KCNQ3: variants seen among roughly 807,000 people sequenced by gnomAD.
KCNQ3 encodes the protein potassium voltage-gated channel subfamily Q member 3, also known as potassium voltage-gated channel subfamily KQT member 3.
KCNQ3 carries 30 observed loss-of-function variants against 92.5 expected under a neutral mutation model. The observed-to-expected ratio is 0.32, with a 90% CI of 0.24 to 0.44. The LOEUF is 0.44. KCNQ3 is among the 20% of genes least tolerant of loss of function. The pLI is 1.00. For synonymous variants in KCNQ3, 450 were observed against 468.8 expected, an observed-to-expected ratio of 0.96 and a Z score of 0.52; for missense variants, 913 against 1,140.3, an observed-to-expected ratio of 0.80 and a Z score of 2.87.
chr8:132,289,635 T>C (rs1422369175), intron 1 of KCNQ3, among the ~76,000 whole-genome samples: 3 of 152,190 alleles, frequency 2.0e-5, no homozygotes, highest in Non-Finnish European at 4.4e-5. Flanking sequence ...CATCTCAAGA[T>C]CCTTAACTAG....
rs1824532587 is a variant in KCNQ3, at chr8:132,122,933, T to C, written c.*6329A>G. On this transcript the variant is annotated 3_prime_UTR_variant, in exon 15 of 15. Coordinates refer to ENST00000388996, the MANE Select transcript of KCNQ3 (RefSeq NM_004519.4). Reference sequence around the variant, plus strand: ...AAGTTGAGTCCTGTCTGCTTCTTTGTAGCTTTTGGTGAAGGCCCTAGAGTA... The same window carrying C: ...AAGTTGAGTCCTGTCTGCTTCTTTGCAGCTTTTGGTGAAGGCCCTAGAGTA... The C allele has an allele frequency of 6.6e-6, 1 of 152,226 alleles. No homozygotes were observed. The allele number at this position is 152,226 out of a possible 1,614,324, so 9.4% of individuals were successfully genotyped here.
At chr8:132,371,281 C>G (rs1374325960) in intron 1 of KCNQ3, among the ~76,000 whole-genome samples, 3 of 152,170 alleles carry the variant, frequency 2.0e-5, no homozygotes, top group African/African-American at 7.2e-5. Context: ...TCACAGGGCT[C>G]TGGTAGTTTG....
intron 1 of KCNQ3, among the ~76,000 whole-genome samples, chr8:132,352,505 T>G (rs1395198620): frequency 3.3e-5 from 5 of 152,086 alleles, no homozygotes; most frequent in African/African-American, 1.2e-4. Context: ...CTTAGGAAAC[T>G]CACTGCCCCG....
intron 1 of KCNQ3, among the ~76,000 whole-genome samples, chr8:132,450,822 C>T (rs549036155): frequency 2.6e-5 from 4 of 152,340 alleles, no homozygotes; most frequent in South Asian, 2.1e-4. Flanking sequence ...GTCCTCCCTT[C>T]TCTGCCCTTC....
At chr8:132,475,802 A>C (rs567264284) in intron 1 of KCNQ3, among the ~76,000 whole-genome samples, 2 of 152,390 alleles carry the variant, frequency 1.3e-5, no homozygotes, top group African/African-American at 4.8e-5. Context: ...CAGCTGCAGA[A>C]ATATGCATAA....
chr8:132,281,197 G>T (rs1489071913), intron 1 of KCNQ3, among the ~76,000 whole-genome samples: 4 of 152,144 alleles, frequency 2.6e-5, no homozygotes, highest in East Asian at 3.9e-4. Context: ...TGAGCACCTT[G>T]TTTGGCACTA....
intron 1 of KCNQ3, among the ~76,000 whole-genome samples, chr8:132,328,194 G>T (rs1324447682): frequency 6.6e-6 from 1 of 151,978 alleles, no homozygotes; most frequent in Non-Finnish European, 1.5e-5. Context: ...CATAAGGCAC[G>T]GGCTTCCCAT....
intron 1 of KCNQ3, among the ~76,000 whole-genome samples, chr8:132,448,480 A>G (rs1293512625): frequency 7.0e-6 from 1 of 143,490 alleles, no homozygotes; most frequent in Non-Finnish European, 1.5e-5. Flanking sequence ...GCTGAGCTCT[A>G]AGGGGGAAGA....
intron 9 of KCNQ3, among the ~76,000 whole-genome samples, chr8:132,141,794 T>C (rs1825305199): frequency 6.6e-6 from 1 of 152,196 alleles, no homozygotes; most frequent in Non-Finnish European, 1.5e-5. Context: ...AAAGCAGCAC[T>C]CTTAATTTGG....
intron 1 of KCNQ3, among the ~76,000 whole-genome samples, chr8:132,349,353 C>G (rs1818789889): frequency 6.6e-6 from 1 of 152,176 alleles, no homozygotes; most frequent in African/African-American, 2.4e-5. Flanking sequence ...GAACAACCCA[C>G]AAAATCAGAA....
chr8:132,302,772 G>C (rs772544346), intron 1 of KCNQ3, among the ~76,000 whole-genome samples: 1 of 152,094 alleles, frequency 6.6e-6, no homozygotes, highest in African/African-American at 2.4e-5. Context: ...AGTCATAATG[G>C]CTCTACCTAA....
At chr8:132,423,292 T>C (rs1290636066) in intron 1 of KCNQ3, among the ~76,000 whole-genome samples, 1 of 152,192 alleles carries the variant, frequency 6.6e-6, no homozygotes, top group Non-Finnish European at 1.5e-5. Context: ...CAAACAGGCA[T>C]TGGTGTTCCA....
intron 1 of KCNQ3, among the ~76,000 whole-genome samples, chr8:132,398,484 G>A (rs983245111): frequency 6.6e-6 from 1 of 152,020 alleles, no homozygotes; most frequent in Non-Finnish European, 1.5e-5. Flanking sequence ...AATTCTCTAT[G>A]TACTTTGTTC....
intron 1 of KCNQ3, among the ~76,000 whole-genome samples, chr8:132,347,780 A>G (rs1167137964): frequency 6.6e-6 from 1 of 152,046 alleles, no homozygotes; most frequent in Non-Finnish European, 1.5e-5. Flanking sequence ...AATCGAGACC[A>G]TCCTGGCTAA....
intron 1 of KCNQ3, among the ~76,000 whole-genome samples, chr8:132,218,358 A>G (rs958966059): frequency 8.5e-5 from 13 of 152,250 alleles, no homozygotes; most frequent in African/African-American, 2.7e-4. Context: ...CCAGAATGGC[A>G]TCTGGCACAT....
At chr8:132,213,083 T>C (rs1179403003) in intron 1 of KCNQ3, among the ~76,000 whole-genome samples, 19 of 152,232 alleles carry the variant, frequency 1.2e-4, no homozygotes, top group Admixed American at 1.2e-3. Context: ...AATATTATTT[T>C]GAAACCATGG....
chr8:132,452,795 A>G (rs1821851792), intron 1 of KCNQ3, among the ~76,000 whole-genome samples: 1 of 152,118 alleles, frequency 6.6e-6, no homozygotes, highest in African/African-American at 2.4e-5. Flanking sequence ...CATCCCAGTG[A>G]GTCTGTCTGG....
intron 1 of KCNQ3, among the ~76,000 whole-genome samples, chr8:132,200,843 C>T (rs1827437249): frequency 6.6e-6 from 1 of 152,162 alleles, no homozygotes; most frequent in Non-Finnish European, 1.5e-5. Flanking sequence ...TTTGAATTCA[C>T]TGTTGCTGCC....
At chr8:132,357,171 A>G (rs1819041084) in intron 1 of KCNQ3, among the ~76,000 whole-genome samples, 1 of 152,228 alleles carries the variant, frequency 6.6e-6, no homozygotes, top group Admixed American at 6.5e-5. Flanking sequence ...ATGTGGCATT[A>G]GATTCATTTG....
Sources: allele counts gnomAD v4.1 joint callset (sites outside exome capture counted in the v4.1 genomes callset), GRCh38; gene constraint gnomAD v4.1.1; transcripts MANE v1.5; gene names NCBI Gene and HGNC (gene_info 2026-07-23, HGNC 2026-07-21).